The following KIAA1755 variants were observed in gnomAD, a reference collection of about 807,000 sequenced individuals.
KIAA1755 encodes uncharacterized protein KIAA1755.
In KIAA1755, 68 loss-of-function variants were observed where a neutral mutation model predicts 91.7. The observed-to-expected ratio is 0.74, with a 90% confidence interval of 0.61 to 0.91. The LOEUF is 0.91. Ranked by LOEUF, KIAA1755 falls within the 40% of genes least tolerant of loss-of-function variation. The pLI is 0.00. For missense variants in KIAA1755, 1,535 were observed against 1,494.4 expected, an observed-to-expected ratio of 1.03 and a Z score of -0.45; for synonymous variants, 610 against 604.6, an observed-to-expected ratio of 1.01 and a Z score of -0.13.
At chr20:38,233,324 C>T (rs1218654953) in intron 4 of KIAA1755, 5 of 152,122 alleles carry the variant, frequency 3.3e-5, no homozygotes, top group African/African-American at 1.2e-4. Flanking sequence ...ACTATTCTGT[C>T]TACTTTTCTA....
chr20:38,238,397 C>T (rs1600623095), intron 4 of KIAA1755, among the ~76,000 whole-genome samples: 2 of 152,204 alleles, frequency 1.3e-5, no homozygotes, highest in African/African-American at 4.8e-5. Context: ...CAATCAGTCT[C>T]CAGAAAGCAC....
intron 4 of KIAA1755, among the ~76,000 whole-genome samples, chr20:38,239,253 C>T (rs1160776483): frequency 6.6e-5 from 10 of 152,260 alleles, no homozygotes; most frequent in Admixed American, 6.5e-4. Context: ...GGCTCTGCTT[C>T]TGGGGAACCC....
At chr20:38,237,591 G>A (rs970963542) in intron 4 of KIAA1755, among the ~76,000 whole-genome samples, 1 of 152,148 alleles carries the variant, frequency 6.6e-6, no homozygotes, top group African/African-American at 2.4e-5. Flanking sequence ...ATGGGGAAGG[G>A]ATGTGGTGGA....
intron 7 of KIAA1755, among the ~76,000 whole-genome samples, chr20:38,226,219 T>C (rs920752756): frequency 6.6e-6 from 1 of 152,244 alleles, no homozygotes; most frequent in Admixed American, 6.5e-5. Context: ...GAAAAGTCAC[T>C]AAATCCCAAC....
At chr20:38,256,112 A>AC (rs760023643) in intron 1 of KIAA1755, among the ~76,000 whole-genome samples, 1 of 152,220 alleles carries the variant, frequency 6.6e-6, no homozygotes, top group South Asian at 2.1e-4. Flanking sequence ...AAATGGTAGC[A>AC]CTGGGGTATG....
At chr20:38,215,088 G>C (rs1033210057) in intron 13 of KIAA1755, among the ~76,000 whole-genome samples, 1 of 152,198 alleles carries the variant, frequency 6.6e-6, no homozygotes, top group Non-Finnish European at 1.5e-5. Flanking sequence ...CCTGGTGCTG[G>C]GCTGTCCCAT....
chr20:38,220,757 G>A (rs2075643999), intron 10 of KIAA1755, among the ~76,000 whole-genome samples: 1 of 152,234 alleles, frequency 6.6e-6, no homozygotes, highest in Non-Finnish European at 1.5e-5. Flanking sequence ...TGCAATGGTG[G>A]GAAGTAGCTG....
intron 4 of KIAA1755, 113 bp from the exon 5 acceptor site, chr20:38,231,438 T>C: frequency 1.7e-6 from 2 of 1,182,272 alleles, no homozygotes; most frequent in South Asian, 1.7e-5. Flanking sequence ...TGGAACACCC[T>C]TTCTCTCCTT....
At position 38,217,984 on chromosome 20, in the gene KIAA1755, G is replaced by C. The variant is rs530317046; in HGVS notation, c.2679+260C>G. The C allele has an allele frequency of 2.7e-4, 141 of 522,612 alleles. No individual in the cohort carries two copies. The Admixed American group carries it at 3.2e-3, about 12-fold the overall frequency. The allele number at this position is 522,612 out of a possible 1,614,324, so 32.4% of individuals were successfully genotyped here. A position where few individuals can be genotyped will look rare whatever the true frequency, so the allele number is the denominator to read the frequency against. On this transcript the variant is annotated intron_variant, in intron 12 of 13. Coordinates refer to ENST00000279024, the MANE Select transcript of KIAA1755 (RefSeq NM_001029864.2). ...CCGGCTCTGTGAGGCTGAGTTATTA[G>C]GTCTAGGATGGGGCCCTGGAAACTG... is the stretch of plus-strand genomic sequence containing the variant.
At chr20:38,240,531 T>C (rs2076036789) in intron 3 of KIAA1755, 51 bp downstream of exon 3, 6 of 1,427,656 alleles carry the variant, frequency 4.2e-6, no homozygotes, top group Non-Finnish European at 5.5e-6. Context: ...TAAAATGTGA[T>C]CTCAACCAGA....
At chr20:38,229,070 C>T (rs1339373782) in intron 5 of KIAA1755, among the ~76,000 whole-genome samples, 1 of 152,176 alleles carries the variant, frequency 6.6e-6, no homozygotes, top group Non-Finnish European at 1.5e-5. Context: ...CTGTGTGGTT[C>T]CAAGCACCCT....
At chr20:38,233,208 G>A (rs1007205795) in intron 4 of KIAA1755, 1 of 152,170 alleles carries the variant, frequency 6.6e-6, no homozygotes, top group Non-Finnish European at 1.5e-5. Flanking sequence ...GATAGAATAT[G>A]AAGATTTGTA....
intron 4 of KIAA1755, among the ~76,000 whole-genome samples, chr20:38,234,005 C>T (rs1016265932): frequency 6.6e-6 from 1 of 152,044 alleles, no homozygotes; most frequent in African/African-American, 2.4e-5. Flanking sequence ...GAGGGAAGAC[C>T]CCATGAAGAT....
intron 9 of KIAA1755, 117 bp from the exon 10 acceptor site, chr20:38,222,714 A>G: frequency 9.1e-7 from 1 of 1,103,090 alleles, no homozygotes; most frequent in Non-Finnish European, 1.3e-6. Flanking sequence ...GGTCCTCCAG[A>G]AAGTCTGTCA....
In KIAA1755 at chr20:38,231,034, G is replaced by A. The variant is rs80312336; in HGVS notation, c.1871+168C>T. On this transcript the variant is annotated intron_variant, in intron 5 of 13. Coordinates refer to ENST00000279024, the MANE Select transcript of KIAA1755 (RefSeq NM_001029864.2). ...CCAGCCTGACAACCCCCCGATGGCA[G>A]GGACTGAGGCTGTTTTGCTTTCCCC... Among the ~76,000 whole-genome samples, 4 of 152,308 alleles carry A rather than the reference G, an allele frequency of 2.6e-5. No homozygotes were observed. The East Asian group carries it at 7.7e-4, about 29-fold the overall frequency.
intron 1 of KIAA1755, among the ~76,000 whole-genome samples, chr20:38,255,439 C>T (rs1475372232): frequency 6.6e-6 from 1 of 152,184 alleles, no homozygotes; most frequent in African/African-American, 2.4e-5. Flanking sequence ...TTTGGCCCAG[C>T]ACCACCTGAT....
intron 4 of KIAA1755, 56 bp from the exon 5 acceptor site, chr20:38,231,381 A>C: frequency 6.5e-7 from 1 of 1,532,870 alleles, no homozygotes; most frequent in African/African-American, 1.4e-5. Flanking sequence ...CCCTCTAGGG[A>C]CCTCTCCTGT....
At position 38,241,448 on chromosome 20, in the gene KIAA1755, A is replaced by C; in HGVS notation, c.683T>G (p.Leu228Arg). The C allele has an allele frequency of 6.2e-7, 1 of 1,614,198 alleles. No individual in the cohort carries two copies. The change falls in exon 3 of 14, where the codon CTT becomes CGT. Residue 228 changes from leucine to arginine, a missense_variant. Transcript: ENST00000279024. ...HQASSPDNQVLPAQSLAKGKG... is the reference protein window; with the variant it reads ...HQASSPDNQVRPAQSLAKGKG... The stretch of plus-strand genomic sequence containing the variant: ...ACCCTTGGCCAAACTCTGGGCAGGA[A>C]GCACCTGGTTGTCTGGGGAGCTGGC...
rs912951378 is a variant in KIAA1755 at position 38,257,580 on chromosome 20, A to C, written c.3+2918T>G. Among the ~76,000 whole-genome samples, 3 of 98,514 alleles carry C rather than the reference A, an allele frequency of 3.0e-5. No individual in the cohort carries two copies. The East Asian group carries it at 8.7e-4, about 29-fold the overall frequency. 64.6% of individuals were successfully genotyped at this position (98,514 alleles called of 152,430 possible). A position where few individuals can be genotyped will look rare whatever the true frequency, so the allele number is the denominator to read the frequency against. Reference sequence around the variant, plus strand: ...TGGGCAATAGAGCGAGACTCCATCTAAAAAAAAAAAAAAAAAAAAAACCTG... The same window carrying C: ...TGGGCAATAGAGCGAGACTCCATCTCAAAAAAAAAAAAAAAAAAAAACCTG... On this transcript the variant is annotated intron_variant, in intron 1 of 13. Coordinates refer to ENST00000279024, the MANE Select transcript of KIAA1755 (RefSeq NM_001029864.2).
Sources: gnomAD v4.1 joint callset for allele counts (sites outside exome capture counted in the v4.1 genomes callset) on GRCh38, gnomAD v4.1.1 for gene constraint, MANE v1.5 for transcripts, NCBI Gene and HGNC (gene_info 2026-07-23, HGNC 2026-07-21) for gene names.